Variants in INVS observed in about 807,000 individuals in gnomAD.
The protein encoded by INVS is inversin, also known as inversion of embryo turning homolog.
INVS carries 86 observed loss-of-function variants against 108.8 expected under a neutral mutation model. The ratio of observed to expected loss-of-function variants is 0.79; its 90% CI spans 0.66 to 0.95. INVS has a LOEUF of 0.95. INVS is among the 40% of genes least tolerant of loss of function. The probability of loss-of-function intolerance (pLI) is 0.00; values close to 1 mark genes in which losing one functional copy is unlikely to be tolerated. For missense variants in INVS, 1,169 were observed against 1,297.4 expected, an observed-to-expected ratio of 0.90 and a Z score of 1.52; for synonymous variants, 455 against 473.5, an observed-to-expected ratio of 0.96 and a Z score of 0.51.
At chr9:100,136,726 G>C (rs1053270770) in intron 3 of INVS, among the ~76,000 whole-genome samples, 1 of 152,024 alleles carries the variant, frequency 6.6e-6, no homozygotes, top group Non-Finnish European at 1.5e-5. Context: ...GATCAAAGTC[G>C]CTGGGGAGAT....
intron 3 of INVS, among the ~76,000 whole-genome samples, chr9:100,170,285 A>C (rs1347751128): frequency 6.6e-6 from 1 of 151,976 alleles, no homozygotes; most frequent in Non-Finnish European, 1.5e-5. Context: ...AGCCAAACAC[A>C]ATGGCTCACA....
chr9:100,226,042 ATC>A lies in INVS; in HGVS notation c.274-16_274-15del, dbSNP rs1831307521. The A allele has an allele frequency of 6.3e-7, 1 of 1,581,596 alleles. No homozygotes were observed. The highest frequency in any genetic ancestry group is 1.5e-5 in the African/African-American group (1 of 67,378). On this transcript the variant is annotated intron_variant, in intron 3 of 16. Coordinates refer to ENST00000262457, the MANE Select transcript of INVS (RefSeq NM_014425.5). ...CCCCATAGTACATTTTTTTCTTATC[ATC>A]TCTTGTTTTTTATTTAGGGAAATTA...
rs1280191483 is a variant in INVS, at chr9:100,297,006, C to T, written c.2876C>T (p.Ala959Val). ...DVDRWRQEST[A>V]LLLQVWRKEL... is the part of the protein sequence containing the mutation. ...GACAGATGGAGGCAAGAGTCTACAGCATTGCTCCTCCAGGTTTGGAGGAAG... is the reference window on the plus strand; with the variant it reads ...GACAGATGGAGGCAAGAGTCTACAGTATTGCTCCTCCAGGTTTGGAGGAAG... Residue 959 changes from alanine (A) to valine (V), a missense_variant, in exon 15 of 17, where the codon GCA (alanine) becomes GTA (valine). This residue lies in a region of INVS where 533 missense variants were observed against 536.0 expected (regional missense o/e 0.99). Transcript: ENST00000262457. 6.2e-7 allele frequency: 1 copy of T among 1,614,080 alleles called. No individual in the cohort carries two copies. Among genetic ancestry groups the T allele is most frequent in the Non-Finnish European group, 8.5e-7 (1 of 1,179,996 alleles).
intron 3 of INVS, among the ~76,000 whole-genome samples, chr9:100,155,589 T>C (rs541252413): frequency 1.3e-5 from 2 of 152,290 alleles, no homozygotes; most frequent in South Asian, 4.1e-4. Flanking sequence ...CCACCCACCT[T>C]GGCCTCCCAA....
chr9:100,296,417 G>T (rs2806703), intron 14 of INVS, among the ~76,000 whole-genome samples: 71,492 of 152,040 alleles, frequency 0.47, 17,773 homozygotes, highest in Non-Finnish European at 0.56. Context: ...CGTCACCAAA[G>T]ACACAGTGCT....
At chr9:100,192,308 T>A (rs1005186913) in intron 3 of INVS, among the ~76,000 whole-genome samples, 1 of 151,380 alleles carries the variant, frequency 6.6e-6, no homozygotes, top group Non-Finnish European at 1.5e-5. Flanking sequence ...CAGTATGTAT[T>A]CTTCTGTGTC....
In INVS at chr9:100,264,944, C is replaced by CTTTT; in HGVS notation, c.1571+29_1571+32dup. On this transcript the variant is annotated intron_variant, in intron 11 of 16. Transcript: ENST00000262457. ...ATGAAGAGAGGTAAGTTGTTGTTGA[C>CTTTT]TTTTTTTTTTTTTTTTGAGATGGCT... 27 of 1,241,622 alleles carry CTTTT rather than the reference C, an allele frequency of 2.2e-5. No homozygotes were observed. The highest frequency in any genetic ancestry group is 7.5e-5 in the East Asian group (3 of 39,858). The allele number at this position is 1,241,622 out of a possible 1,614,324, so 76.9% of individuals were successfully genotyped here.
At chr9:100,251,505 A>C (rs1349977603) in intron 8 of INVS, among the ~76,000 whole-genome samples, 1 of 152,252 alleles carries the variant, frequency 6.6e-6, no homozygotes, top group African/African-American at 2.4e-5. Context: ...TCTGGACAGC[A>C]CAAGAGAGGA....
At chr9:100,152,334 A>C (rs918574522) in intron 3 of INVS, among the ~76,000 whole-genome samples, 2 of 152,182 alleles carry the variant, frequency 1.3e-5, no homozygotes, top group African/African-American at 4.8e-5. Context: ...TGAGTCGGCC[A>C]TTCAGTATAG....
intron 3 of INVS, among the ~76,000 whole-genome samples, chr9:100,150,925 C>A (rs1469668944): frequency 1.3e-5 from 2 of 151,938 alleles, no homozygotes; most frequent in African/African-American, 4.8e-5. Context: ...ATTAAGAGAA[C>A]CAGAGAGGGG....
intron 5 of INVS, among the ~76,000 whole-genome samples, chr9:100,231,791 G>T (rs1347969107): frequency 1.3e-5 from 2 of 151,962 alleles, no homozygotes; most frequent in Admixed American, 6.6e-5. Context: ...CTTTGCTATT[G>T]TAAATAATAC....
At position 100,300,970 on chromosome 9, in the gene INVS, C is replaced by G; in HGVS notation, c.*296C>G. The stretch of plus-strand genomic sequence containing the variant: ...GTCTGTACAGTTGGAAATGAGAATT[C>G]ATAATTAACAGCAAAATCTAAGGAA... On this transcript the variant is annotated 3_prime_UTR_variant, in exon 17 of 17. Transcript: ENST00000262457. 6 of 376,816 alleles carry G rather than the reference C, an allele frequency of 1.6e-5. No homozygotes were observed. Among genetic ancestry groups the G allele is most frequent in the Non-Finnish European group, 2.4e-5 (5 of 205,346 alleles). 23.3% of individuals were successfully genotyped at this position (376,816 alleles called of 1,614,324 possible).
chr9:100,235,968 A>G (rs1038511959), intron 5 of INVS, among the ~76,000 whole-genome samples: 4 of 152,218 alleles, frequency 2.6e-5, no homozygotes, highest in Non-Finnish European at 5.9e-5. Flanking sequence ...GTGTTTTCCA[A>G]CTTGGTTCCA....
chr9:100,233,050 C>T (rs1269592094), intron 5 of INVS, among the ~76,000 whole-genome samples: 2 of 152,042 alleles, frequency 1.3e-5, no homozygotes, highest in Non-Finnish European at 2.9e-5. Context: ...GTTTATAGTT[C>T]TCCTTCAGGG....
At chr9:100,203,437 A>G (rs1262578780) in intron 3 of INVS, among the ~76,000 whole-genome samples, 1 of 151,938 alleles carries the variant, frequency 6.6e-6, no homozygotes, top group Non-Finnish European at 1.5e-5. Context: ...ATAAAAAGAA[A>G]TACAAATTAT....
At chr9:100,129,592 G>A (rs747663467) in intron 3 of INVS, 1 of 545,064 alleles carries the variant, frequency 1.8e-6, no homozygotes, top group Non-Finnish European at 3.4e-6. Flanking sequence ...CATCAATTCT[G>A]GCCATAATGG....
intron 3 of INVS, 143 bp downstream of exon 3, chr9:100,126,692 TTAAG>T: frequency 1.2e-6 from 1 of 823,166 alleles, no homozygotes; most frequent in Non-Finnish European, 2.0e-6. Context: ...AAAGCTGTCT[TTAAG>T]CTGCAGAGAG....
intron 10 of INVS, among the ~76,000 whole-genome samples, chr9:100,264,336 G>T (rs533048111): frequency 2.0e-5 from 3 of 152,212 alleles, no homozygotes; most frequent in African/African-American, 7.2e-5. Flanking sequence ...AGCCTTAATT[G>T]GCCAGGCATG....
At chr9:100,103,277 A>C (rs954510997) in intron 1 of INVS, among the ~76,000 whole-genome samples, 1 of 152,192 alleles carries the variant, frequency 6.6e-6, no homozygotes, top group African/African-American at 2.4e-5. Context: ...CTTCCACCTC[A>C]GCCTCCCGAG....
Sources: allele counts gnomAD v4.1 joint callset (sites outside exome capture counted in the v4.1 genomes callset), GRCh38; gene constraint gnomAD v4.1.1; regional missense constraint gnomAD v4.1.1; transcripts MANE v1.5; gene names NCBI Gene and HGNC (gene_info 2026-07-23, HGNC 2026-07-21).